JAKMIP1: variants seen among roughly 807,000 people sequenced by gnomAD.
The protein encoded by JAKMIP1 is janus kinase and microtubule-interacting protein 1.
Under a neutral mutation model 113.0 loss-of-function variants are expected in JAKMIP1, and 33 were observed. That is an observed-to-expected ratio of 0.29 (90% CI 0.22 to 0.39). JAKMIP1 has a LOEUF of 0.39. JAKMIP1 is among the 10% of genes least tolerant of loss of function. The pLI, the probability that JAKMIP1 is intolerant of heterozygous loss-of-function variation, is 1.00. For missense variants in JAKMIP1, 813 were observed against 1,080.5 expected (o/e 0.75, Z 3.47); for synonymous variants, 480 against 459.9 (o/e 1.04, Z -0.56).
At position 6,192,824 on chromosome 4, in the gene JAKMIP1, AG is replaced by A. The variant is rs1727417778; in HGVS notation, c.-148+7428del. ...AGCAAACAGGGTACTGATGGGAACCAGGGGCACAGCCGCTATCTGGGACAGT... is the reference window on the plus strand; with the variant it reads ...AGCAAACAGGGTACTGATGGGAACCAGGGCACAGCCGCTATCTGGGACAGT... On this transcript the variant is annotated intron_variant, in intron 1 of 20. Coordinates refer to ENST00000409021, the MANE Select transcript of JAKMIP1 (RefSeq NM_001099433.2). The surrounding 1 kb of genome is among the most constrained non-coding windows in gnomAD (Gnocchi z 5.0). 6.6e-6 allele frequency among the ~76,000 whole-genome samples: 1 copy of A among 152,200 alleles called. No homozygotes were observed. Among genetic ancestry groups the A allele is most frequent in the African/African-American group, 2.4e-5 (1 of 41,462 alleles).
Position 6,045,880 on chromosome 4 carries a change from A to G in JAKMIP1, c.2028+2977T>C, listed in dbSNP as rs528552368. ...GTGAGACTCTGTCTCAAAAAAAAAA[A>G]TTAATGCCTCTAAGGGAACATTGAC... On this transcript the variant is annotated intron_variant, in intron 16 of 20. Transcript: ENST00000409021. 9.8e-5 allele frequency among the ~76,000 whole-genome samples: 15 copies of G among 152,296 alleles called. No homozygotes were observed. In the East Asian group the frequency reaches 2.9e-3, roughly 29 times the overall value.
chr4:6,166,699 A>G (rs1723681142), intron 1 of JAKMIP1, among the ~76,000 whole-genome samples: 1 of 152,234 alleles, frequency 6.6e-6, no homozygotes, highest in South Asian at 2.1e-4. Flanking sequence ...CAAAGGTAGA[A>G]CGAGCAGCAC....
At chr4:6,121,653 C>T (rs76769569) in intron 1 of JAKMIP1, among the ~76,000 whole-genome samples, 1,571 of 152,344 alleles carry the variant, frequency 0.01, 27 homozygotes, top group African/African-American at 0.035. Flanking sequence ...AGTGAGCCCT[C>T]GGCACACGCC....
chr4:6,029,114 A>G (rs1327358120), intron 20 of JAKMIP1, among the ~76,000 whole-genome samples: 4 of 152,206 alleles, frequency 2.6e-5, no homozygotes, highest in Non-Finnish European at 4.4e-5. Context: ...TGGCTATGAC[A>G]TCCATGGAGA....
Position 6,065,039 on chromosome 4 carries a change from A to G in JAKMIP1, c.1303-31T>C. The G allele has an allele frequency of 1.2e-6, 2 of 1,613,578 alleles. No homozygotes were observed. The highest frequency in any genetic ancestry group is 1.7e-6 in the Non-Finnish European group (2 of 1,179,820). On this transcript the variant is annotated intron_variant, in intron 8 of 20. Coordinates refer to ENST00000409021, the MANE Select transcript of JAKMIP1 (RefSeq NM_001099433.2). The surrounding 1 kb of genome is among the most constrained non-coding windows in gnomAD (Gnocchi z 5.1). ...AAACGCAATTTGTATGATGTTAGCAACGACTGAGGATTGCCAGAGTCTACC... is the reference window on the plus strand; with the variant it reads ...AAACGCAATTTGTATGATGTTAGCAGCGACTGAGGATTGCCAGAGTCTACC...
chr4:6,090,944 G>A (rs1028241509), intron 3 of JAKMIP1, among the ~76,000 whole-genome samples: 2 of 152,136 alleles, frequency 1.3e-5, no homozygotes, highest in African/African-American at 4.8e-5. Flanking sequence ...CCTTAAACTA[G>A]AGCATCGCCA....
At chr4:6,052,932 C>G (rs1030891361) in intron 13 of JAKMIP1, among the ~76,000 whole-genome samples, 1 of 152,150 alleles carries the variant, frequency 6.6e-6, no homozygotes, top group Admixed American at 6.5e-5. Flanking sequence ...CAGGTCCCTG[C>G]CCACACGACA....
Position 6,085,364 on chromosome 4 carries a change from G to A in JAKMIP1, c.834+56C>T. 4 of 1,519,860 alleles carry A rather than the reference G, an allele frequency of 2.6e-6. No homozygotes were observed. The South Asian group carries it at 3.5e-5, about 13-fold the overall frequency. 94.1% of individuals were successfully genotyped at this position (1,519,860 alleles called of 1,614,324 possible). A position where few individuals can be genotyped will look rare whatever the true frequency, so the allele number is the denominator to read the frequency against. ...GTCCTCTGTGGCTGACCAGAAAAAT[G>A]CCACCTAAATGGGTGGGGGACCAGC... On this transcript the variant is annotated intron_variant, in intron 4 of 20. Transcript: ENST00000409021.
chr4:6,165,004 G>A (rs1723439999), intron 1 of JAKMIP1, among the ~76,000 whole-genome samples: 1 of 152,222 alleles, frequency 6.6e-6, no homozygotes, highest in African/African-American at 2.4e-5. Context: ...CAGTGGCAAG[G>A]CCTGAGAGGA....
chr4:6,149,678 T>C (rs576018089), intron 1 of JAKMIP1, among the ~76,000 whole-genome samples: 10 of 152,276 alleles, frequency 6.6e-5, no homozygotes, highest in African/African-American at 9.6e-5. Context: ...GTATATCAAG[T>C]TCCCTTTCTC....
intron 1 of JAKMIP1, among the ~76,000 whole-genome samples, chr4:6,173,280 T>C (rs1259419394): frequency 6.6e-6 from 1 of 152,112 alleles, no homozygotes; most frequent in Non-Finnish European, 1.5e-5. Context: ...GCAATCAAAC[T>C]CTAATAAAAA....
At chr4:6,085,778 A>G in intron 3 of JAKMIP1, 149 bp from the exon 4 acceptor site, 3 of 676,134 alleles carry the variant, frequency 4.4e-6, no homozygotes, top group Non-Finnish European at 7.5e-6. Context: ...ACACAGAGCA[A>G]GCACAGCCCG....
Position 6,157,010 on chromosome 4 carries a change from T to C in JAKMIP1, c.-148+43243A>G, listed in dbSNP as rs1722318133. 6.6e-6 allele frequency among the ~76,000 whole-genome samples: 1 copy of C among 152,136 alleles called. No individual in the cohort carries two copies. The highest frequency in any genetic ancestry group is 1.5e-5 in the Non-Finnish European group (1 of 68,012). ...AAGAGGGGGGACCTTTAAGGGGTGA[T>C]TGGGTCATGAGGGCTCTAACCTCAT... On this transcript the variant is annotated intron_variant, in intron 1 of 20. Coordinates refer to ENST00000409021, the MANE Select transcript of JAKMIP1 (RefSeq NM_001099433.2). The surrounding 1 kb of genome is among the most constrained non-coding windows in gnomAD (Gnocchi z 4.7).
chr4:6,165,274 GC>G (rs1269085257), intron 1 of JAKMIP1, among the ~76,000 whole-genome samples: 1 of 152,212 alleles, frequency 6.6e-6, no homozygotes, highest in Non-Finnish European at 1.5e-5. Context: ...TAGCTAAATA[GC>G]TAAAGTTGTT....
chr4:6,173,227 T>G (rs1017909882), intron 1 of JAKMIP1, among the ~76,000 whole-genome samples: 4 of 152,172 alleles, frequency 2.6e-5, no homozygotes, highest in Non-Finnish European at 5.9e-5. Flanking sequence ...TTTCTCTAAT[T>G]GAATAGTTAC....
rs554496663 is a variant in JAKMIP1 at position 6,178,432 on chromosome 4, A to G, written c.-148+21821T>C. On this transcript the variant is annotated intron_variant, in intron 1 of 20. Coordinates refer to ENST00000409021, the MANE Select transcript of JAKMIP1 (RefSeq NM_001099433.2). The surrounding 1 kb of genome is among the most constrained non-coding windows in gnomAD (Gnocchi z 5.5). ...CATGATAGTGAGTAAGCTCTATTTG[A>G]TCAGAACTTTAAGTGGGTTCTGAAT... is the stretch of plus-strand genomic sequence containing the variant. Among the ~76,000 whole-genome samples, 61 of 152,262 alleles carry G rather than the reference A, an allele frequency of 4.0e-4. 2 individuals carry two copies. The South Asian group carries it at 0.011, about 26-fold the overall frequency.
intron 20 of JAKMIP1, among the ~76,000 whole-genome samples, chr4:6,026,560 G>A (rs1396971929): frequency 6.6e-6 from 1 of 152,094 alleles, no homozygotes; most frequent in African/African-American, 2.4e-5. Context: ...GACCGGGACA[G>A]GACTTTTTGG....
Position 6,085,290 on chromosome 4 carries a change from C to T in JAKMIP1, c.834+130G>A, listed in dbSNP as rs1466130188. The stretch of plus-strand genomic sequence containing the variant: ...CAGCACAAAGAACTTATAACATCCC[C>T]TCCAATACTGAGTGAATGAATGAAT... On this transcript the variant is annotated intron_variant, in intron 4 of 20. Transcript: ENST00000409021. 18 of 850,452 alleles carry T rather than the reference C, an allele frequency of 2.1e-5. 1 individual carries two copies. In the Admixed American group the frequency reaches 2.6e-4, roughly 12 times the overall value. The allele number at this position is 850,452 out of a possible 1,614,324, so 52.7% of individuals were successfully genotyped here.
Position 6,069,131 on chromosome 4 carries a change from G to T in JAKMIP1, c.1303-4123C>A, listed in dbSNP as rs1718584477. Reference sequence around the variant, plus strand: ...GTTTTGCACTGCATTTTCAAAAAATGCAGGAAATAATTCACCACCTGCTTC... The same window carrying T: ...GTTTTGCACTGCATTTTCAAAAAATTCAGGAAATAATTCACCACCTGCTTC... On this transcript the variant is annotated intron_variant, in intron 8 of 20. Coordinates refer to ENST00000409021, the MANE Select transcript of JAKMIP1 (RefSeq NM_001099433.2). This position sits in a 1 kb window ranked among gnomAD's most constrained non-coding sequence, Gnocchi z 4.5. Among the ~76,000 whole-genome samples the T allele has an allele frequency of 6.6e-6, 1 of 152,134 alleles. No homozygotes were observed. Among genetic ancestry groups the T allele is most frequent in the Admixed American group, 6.5e-5 (1 of 15,274 alleles).
Sources: allele counts gnomAD v4.1 joint callset (sites outside exome capture counted in the v4.1 genomes callset), GRCh38; gene constraint gnomAD v4.1.1; non-coding constraint Gnocchi (gnomAD v3.1); transcripts MANE v1.5; gene names NCBI Gene and HGNC (gene_info 2026-07-23, HGNC 2026-07-21).